EFR3A: variants seen among roughly 807,000 people sequenced by gnomAD.
EFR3A encodes the protein protein EFR3 homolog A.
Under a neutral mutation model 104.4 loss-of-function variants are expected in EFR3A, and 76 were observed. That is an observed-to-expected ratio of 0.73 (90% CI 0.60 to 0.88). The LOEUF (loss-of-function observed/expected upper bound fraction) is 0.88, where lower values mean the gene tolerates loss of function less well. Among genes scored for constraint, EFR3A ranks in the 40% least tolerant of loss-of-function variants. EFR3A has a pLI of 0.00. For synonymous variants in EFR3A, 330 were observed against 330.0 expected, an observed-to-expected ratio of 1.00 and a Z score of 0.00; for missense variants, 985 against 1,012.5, an observed-to-expected ratio of 0.97 and a Z score of 0.37.
Position 131,904,229 on chromosome 8 carries a change from A to C in EFR3A, c.-84A>C. ...CGCCTCGTTCCGGCCTCCGCGGCCC[A>C]GCAACGGCCGTCATGGTGCCGTCGG... On this transcript the variant is annotated 5_prime_UTR_variant, in exon 1 of 23. Transcript: ENST00000254624. 7.9e-7 allele frequency: 1 copy of C among 1,263,280 alleles called. No homozygotes were observed. The highest frequency in any genetic ancestry group is 1.0e-6 in the Non-Finnish European group (1 of 1,000,972). The allele number at this position is 1,263,280 out of a possible 1,614,324, so 78.3% of individuals were successfully genotyped here. A position where few individuals can be genotyped will look rare whatever the true frequency, so the allele number is the denominator to read the frequency against.
chr8:131,918,104 T>C (rs1422469475), intron 1 of EFR3A, among the ~76,000 whole-genome samples: 1 of 152,154 alleles, frequency 6.6e-6, no homozygotes, highest in Non-Finnish European at 1.5e-5. Flanking sequence ...CTGACCAACA[T>C]GGTGAAACCC....
At chr8:131,993,172 G>T (rs1821286655) in intron 18 of EFR3A, among the ~76,000 whole-genome samples, 1 of 152,158 alleles carries the variant, frequency 6.6e-6, no homozygotes, top group African/African-American at 2.4e-5. Flanking sequence ...TGTCCATAGT[G>T]TCAAGGTTAA....
chr8:131,965,732 A>T (rs1338267378), intron 8 of EFR3A, among the ~76,000 whole-genome samples: 1 of 151,930 alleles, frequency 6.6e-6, no homozygotes, highest in South Asian at 2.1e-4. Flanking sequence ...AAGGATTGTA[A>T]ATCATGCTGC....
chr8:131,915,990 G>A (rs565544580), intron 1 of EFR3A, among the ~76,000 whole-genome samples: 2 of 152,310 alleles, frequency 1.3e-5, no homozygotes, highest in African/African-American at 4.8e-5. Flanking sequence ...ATGGATCTTG[G>A]TCTGATGGGG....
At chr8:131,994,291 A>G (rs1586667099) in intron 18 of EFR3A, among the ~76,000 whole-genome samples, 1 of 151,442 alleles carries the variant, frequency 6.6e-6, no homozygotes, top group African/African-American at 2.4e-5. Flanking sequence ...TTGCCACATG[A>G]TACAGTAACT....
At chr8:131,984,487 G>A (rs1358736149) in intron 15 of EFR3A, among the ~76,000 whole-genome samples, 187 bp downstream of exon 15, 17 of 152,120 alleles carry the variant, frequency 1.1e-4, no homozygotes, top group Admixed American at 1.1e-3. Context: ...AGCATCAACT[G>A]GTGTGCTAAA....
chr8:132,008,845 T>TAAA, intron 22 of EFR3A, among the ~76,000 whole-genome samples: 1 of 19,074 alleles, frequency 5.2e-5, no homozygotes, highest in Non-Finnish European at 9.6e-5. Context: ...AAACTCCATC[T>TAAA]CAAAAAAAAA....
In EFR3A at chr8:131,984,262, G is replaced by T. The variant is rs1820765272; in HGVS notation, c.1699G>T (p.Val567Leu). 1.2e-6 allele frequency: 2 copies of T among 1,607,272 alleles called. No homozygotes were observed. Among genetic ancestry groups the T allele is most frequent in the Non-Finnish European group, 1.7e-6 (2 of 1,177,024 alleles). The change falls in exon 15 of 23, where the codon GTA becomes TTA. Residue 567 changes from valine to leucine, a missense_variant. By Grantham distance (32) the Val-to-Leu change is conservative. Coordinates refer to ENST00000254624, the MANE Select transcript of EFR3A (RefSeq NM_015137.6). ...AACTATTGAACTGGCTAATGAAGAA[G>T]TAGTTATTGATCTCATTCGACTGGC... is the stretch of plus-strand genomic sequence containing the variant. ...LITIELANEE[V>L]VIDLIRLAIA...
intron 10 of EFR3A, 49 bp downstream of exon 10, chr8:131,970,692 A>G (rs776506889): frequency 1.1e-5 from 17 of 1,546,018 alleles, no homozygotes; most frequent in Non-Finnish European, 1.5e-5. Flanking sequence ...AGTGATTTAC[A>G]AAGCTCTCAC....
At chr8:131,976,213 T>A in intron 11 of EFR3A, 72 bp downstream of exon 11, 1 of 1,013,148 alleles carries the variant, frequency 9.9e-7, no homozygotes, top group Non-Finnish European at 1.5e-6. Context: ...TAGAAAATGT[T>A]AACGTTTTGT....
rs1822446953 is a variant in EFR3A at position 132,013,354 on chromosome 8, T to G, written c.*2459T>G. On this transcript the variant is annotated 3_prime_UTR_variant, in exon 23 of 23. Transcript: ENST00000254624. The stretch of plus-strand genomic sequence containing the variant: ...TATGCGTACACACACACATATTTCC[T>G]TAATACTTCTGAACTCATTATCTTT... 6.6e-6 allele frequency: 1 copy of G among 152,622 alleles called. No individual in the cohort carries two copies. Among genetic ancestry groups the G allele is most frequent in the Non-Finnish European group, 1.5e-5 (1 of 68,032 alleles). 9.5% of individuals were successfully genotyped at this position (152,622 alleles called of 1,614,324 possible).
At position 131,976,102 on chromosome 8, in the gene EFR3A, T is replaced by C; in HGVS notation, c.1235T>C (p.Phe412Ser). The stretch of plus-strand genomic sequence containing the variant: ...TTCATTATGGGGAAAGTACCTGTCT[T>C]TGGAACATCTACCCATACTTTGGAT... ...MMFIMGKVPV[F>S]GTSTHTLDIS... is the part of the protein sequence containing the mutation. Residue 412 changes from phenylalanine (F) to serine (S), a missense_variant, in exon 11 of 23, where the codon TTT becomes TCT. Phe to Ser is a radical substitution (Grantham distance 155). Transcript: ENST00000254624. 6.2e-7 allele frequency: 1 copy of C among 1,604,178 alleles called. No individual in the cohort carries two copies. Among genetic ancestry groups the C allele is most frequent in the Non-Finnish European group, 8.5e-7 (1 of 1,174,482 alleles).
intron 18 of EFR3A, among the ~76,000 whole-genome samples, chr8:131,993,987 CTT>C (rs1669937103): frequency 6.6e-6 from 1 of 152,024 alleles, no homozygotes; most frequent in South Asian, 2.1e-4. Context: ...GGATACTAGA[CTT>C]AATATGTGGG....
Position 131,977,111 on chromosome 8 carries a change from A to G in EFR3A, c.1326+19A>G. 1.3e-6 allele frequency: 2 copies of G among 1,573,734 alleles called. No individual in the cohort carries two copies. Among genetic ancestry groups the G allele is most frequent in the Non-Finnish European group, 1.7e-6 (2 of 1,152,616 alleles). On this transcript the variant is annotated intron_variant, in intron 12 of 22. Coordinates refer to ENST00000254624, the MANE Select transcript of EFR3A (RefSeq NM_015137.6). Reference sequence around the variant, plus strand: ...GCTTATGGTAAGGCATTTAAGACAAATAAAGGACACACTTAACCTTAAATT... The same window carrying G: ...GCTTATGGTAAGGCATTTAAGACAAGTAAAGGACACACTTAACCTTAAATT...
intron 9 of EFR3A, 43 bp from the exon 10 acceptor site, chr8:131,970,433 A>G: frequency 6.4e-7 from 1 of 1,574,728 alleles, no homozygotes; most frequent in South Asian, 1.1e-5. Flanking sequence ...CAAATATGCA[A>G]TACTAGAAAC....
At chr8:131,984,380 G>T in intron 15 of EFR3A, 80 bp downstream of exon 15, 1 of 1,337,612 alleles carries the variant, frequency 7.5e-7, no homozygotes, top group Non-Finnish European at 9.9e-7. Flanking sequence ...CGTTATCCAA[G>T]GACATGAATT....
chr8:132,000,887 T>A (rs1173560636), intron 19 of EFR3A: 2 of 152,198 alleles, frequency 1.3e-5, no homozygotes, highest in Non-Finnish European at 2.9e-5. Flanking sequence ...GCCTTTGTAT[T>A]GCAGAGAAGC....
rs373327594 is a variant in EFR3A at position 132,005,487 on chromosome 8, A to C, written c.2360+2202A>C. On this transcript the variant is annotated intron_variant, in intron 22 of 22. Transcript: ENST00000254624. ...ATACAGTGAGAATAAGCAGCCTCAC[A>C]GATAACCCAGTTATTGGAATTAGTA... Among the ~76,000 whole-genome samples, 56 of 152,136 alleles carry C rather than the reference A, an allele frequency of 3.7e-4. No homozygotes were observed. In the South Asian group the frequency reaches 0.011, roughly 29 times the overall value.
chr8:131,917,513 T>G (rs1816799552), intron 1 of EFR3A, among the ~76,000 whole-genome samples: 1 of 152,232 alleles, frequency 6.6e-6, no homozygotes, highest in Admixed American at 6.5e-5. Context: ...AGTATAATTG[T>G]GGTTTGGATG....
Sources: allele counts gnomAD v4.1 joint callset (sites outside exome capture counted in the v4.1 genomes callset), GRCh38; gene constraint gnomAD v4.1.1; transcripts MANE v1.5; gene names NCBI Gene and HGNC (gene_info 2026-07-23, HGNC 2026-07-21).